PXDNL: variants seen among roughly 807,000 people sequenced by gnomAD.
PXDNL encodes the protein peroxidasin like.
A neutral mutation model predicts 150.8 loss-of-function variants in PXDNL; 145 were observed. The observed-to-expected ratio is 0.96, with a 90% confidence interval of 0.84 to 1.10. The LOEUF (loss-of-function observed/expected upper bound fraction) is 1.10, where lower values mean the gene tolerates loss of function less well. PXDNL is among the 50% of genes least tolerant of loss of function. The pLI is 0.00. For missense variants in PXDNL, 2,087 were observed against 1,873.9 expected (o/e 1.11, Z -2.10); for synonymous variants, 757 against 725.7 (o/e 1.04, Z -0.69).
At chr8:51,608,842 A>T (rs1414751551) in intron 2 of PXDNL, among the ~76,000 whole-genome samples, 25 of 140,924 alleles carry the variant, frequency 1.8e-4, no homozygotes, top group Non-Finnish European at 3.1e-4. Context: ...GTCTCAAAAA[A>T]AAAAAAAAAA....
At chr8:51,661,120 T>C (rs1361605287) in intron 1 of PXDNL, among the ~76,000 whole-genome samples, 1 of 152,184 alleles carries the variant, frequency 6.6e-6, no homozygotes, top group Non-Finnish European at 1.5e-5. Flanking sequence ...ATTGTAGAAA[T>C]TGGAAATACA....
At chr8:51,376,481 C>A (rs2130795705) in intron 17 of PXDNL, among the ~76,000 whole-genome samples, 1 of 152,178 alleles carries the variant, frequency 6.6e-6, no homozygotes, top group Admixed American at 6.5e-5. Context: ...TGTTTCAATT[C>A]TTTTTCTGAG....
chr8:51,339,600 A>T (rs779501856), intron 21 of PXDNL, 24 bp downstream of exon 21: 34 of 1,608,500 alleles, frequency 2.1e-5, no homozygotes, highest in Admixed American at 8.4e-5. Context: ...CAATAAGGAC[A>T]TGTTATTTGA....
At chr8:51,345,428 C>T (rs916778813) in intron 20 of PXDNL, among the ~76,000 whole-genome samples, 12 of 152,146 alleles carry the variant, frequency 7.9e-5, no homozygotes, top group African/African-American at 2.9e-4. Flanking sequence ...GCCTTGCTTG[C>T]CATATATTAT....
intron 1 of PXDNL, among the ~76,000 whole-genome samples, chr8:51,690,977 A>C (rs1411978924): frequency 2.6e-5 from 4 of 152,132 alleles, no homozygotes; most frequent in Non-Finnish European, 4.4e-5. Flanking sequence ...TCTTTTGAGA[A>C]GTGTCTGTTC....
chr8:51,689,368 C>T lies in PXDNL; in HGVS notation c.165-34608G>A, dbSNP rs907543742. On this transcript the variant is annotated intron_variant, in intron 1 of 22. Coordinates refer to ENST00000356297, the MANE Select transcript of PXDNL (RefSeq NM_144651.5). ...TTTTGGGGATTAATATGTAAATCTA[C>T]TGCAGAACGTCTTTAAATATTTATG... is the stretch of plus-strand genomic sequence containing the variant. Among the ~76,000 whole-genome samples the T allele has an allele frequency of 3.3e-5, 5 of 150,912 alleles. 1 individual carries two copies. The highest frequency in any genetic ancestry group is 1.2e-4 in the African/African-American group (5 of 41,048).
intron 1 of PXDNL, among the ~76,000 whole-genome samples, chr8:51,777,811 G>A (rs1401123462): frequency 6.6e-6 from 1 of 152,182 alleles, no homozygotes; most frequent in Non-Finnish European, 1.5e-5. Flanking sequence ...GCTGAGGCAG[G>A]AGAATCGCAT....
chr8:51,592,206 C>G (rs1482813023), intron 3 of PXDNL, among the ~76,000 whole-genome samples: 1 of 152,140 alleles, frequency 6.6e-6, no homozygotes, highest in Non-Finnish European at 1.5e-5. Flanking sequence ...ATTAAAGTTC[C>G]TAACTAACTG....
At chr8:51,331,226 T>C (rs1039347983) in intron 21 of PXDNL, among the ~76,000 whole-genome samples, 4 of 152,146 alleles carry the variant, frequency 2.6e-5, no homozygotes, top group African/African-American at 9.7e-5. Flanking sequence ...GCTTAAGGTC[T>C]GTTTGTGGGA....
At chr8:51,428,827 G>GA (rs144066174) in intron 12 of PXDNL, among the ~76,000 whole-genome samples, 7 of 151,752 alleles carry the variant, frequency 4.6e-5, no homozygotes, top group Admixed American at 2.0e-4. Context: ...ATCTATTAAA[G>GA]AAAAAAAATG....
intron 1 of PXDNL, among the ~76,000 whole-genome samples, chr8:51,666,015 G>A (rs1408189121): frequency 1.3e-5 from 2 of 152,150 alleles, no homozygotes; most frequent in African/African-American, 4.8e-5. Context: ...CCGATATTTG[G>A]ATACCAATGA....
At chr8:51,780,507 T>A (rs2037400895) in intron 1 of PXDNL, among the ~76,000 whole-genome samples, 1 of 149,016 alleles carries the variant, frequency 6.7e-6, no homozygotes. Context: ...AACTCATGGA[T>A]GGGGAGTTTC....
intron 21 of PXDNL, among the ~76,000 whole-genome samples, chr8:51,325,836 C>T (rs1431172435): frequency 6.6e-6 from 1 of 152,206 alleles, no homozygotes; most frequent in African/African-American, 2.4e-5. Flanking sequence ...GTGAAAGCCA[C>T]CTCCTCACTT....
intron 9 of PXDNL, among the ~76,000 whole-genome samples, chr8:51,455,203 A>C (rs934352238): frequency 6.6e-6 from 1 of 151,868 alleles, no homozygotes; most frequent in African/African-American, 2.4e-5. Flanking sequence ...AGTCAGTGGC[A>C]GTAGAACTGG....
intron 17 of PXDNL, among the ~76,000 whole-genome samples, chr8:51,395,356 T>C (rs1808049050): frequency 6.6e-6 from 1 of 152,200 alleles, no homozygotes. Flanking sequence ...GATGCAGGTA[T>C]GGTGTTCAAT....
intron 1 of PXDNL, among the ~76,000 whole-genome samples, chr8:51,765,693 ATAT>A (rs927222489): frequency 1.9e-4 from 29 of 151,386 alleles, no homozygotes; most frequent in African/African-American, 6.4e-4. Context: ...TATTTCATTA[ATAT>A]TATTATAAAT....
intron 5 of PXDNL, among the ~76,000 whole-genome samples, chr8:51,486,288 T>C (rs1810733370): frequency 6.6e-6 from 1 of 152,172 alleles, no homozygotes; most frequent in Admixed American, 6.5e-5. Flanking sequence ...AAAATCATTC[T>C]TGAATTTTTT....
chr8:51,597,142 C>T (rs1013828050), intron 2 of PXDNL, among the ~76,000 whole-genome samples: 3 of 152,134 alleles, frequency 2.0e-5, no homozygotes, highest in African/African-American at 7.2e-5. Flanking sequence ...GCTATTCTAG[C>T]ACCATTTATT....
At chr8:51,372,211 T>C in intron 18 of PXDNL, 130 bp from the exon 19 acceptor site, 1 of 634,086 alleles carries the variant, frequency 1.6e-6, no homozygotes, top group Non-Finnish European at 2.8e-6. Context: ...TTATGCTTGT[T>C]CTCCAACTGA....
Sources: allele counts gnomAD v4.1 joint callset (sites outside exome capture counted in the v4.1 genomes callset), GRCh38; gene constraint gnomAD v4.1.1; transcripts MANE v1.5; gene names NCBI Gene and HGNC (gene_info 2026-07-23, HGNC 2026-07-21).